Variants in NUMA1 observed in about 807,000 individuals in gnomAD.
The protein encoded by NUMA1 is nuclear mitotic apparatus protein 1.
A neutral mutation model predicts 237.1 loss-of-function variants in NUMA1; 62 were observed. The observed-to-expected ratio is 0.26, with a 90% confidence interval of 0.21 to 0.32. NUMA1 has a LOEUF of 0.32. Ranked by LOEUF, NUMA1 falls within the 10% of genes least tolerant of loss-of-function variation. NUMA1 has a pLI of 1.00. For missense variants in NUMA1, 2,533 were observed against 2,666.5 expected, an observed-to-expected ratio of 0.95 and a Z score of 1.10; for synonymous variants, 1,028 against 1,066.1, an observed-to-expected ratio of 0.96 and a Z score of 0.70.
chr11:72,008,385 A>T, intron 20 of NUMA1: 1 of 437,782 alleles, frequency 2.3e-6, no homozygotes, highest in Non-Finnish European at 4.2e-6. Flanking sequence ...TCCTGGCCTC[A>T]CATCTCAGCT....
intron 4 of NUMA1, among the ~76,000 whole-genome samples, chr11:72,025,916 T>C (rs1347369130): frequency 6.6e-6 from 1 of 152,218 alleles, no homozygotes; most frequent in Non-Finnish European, 1.5e-5. Flanking sequence ...ATCTGGAATG[T>C]TGTGACTCCT....
At position 72,004,743 on chromosome 11, in the gene NUMA1, G is replaced by A; in HGVS notation, c.5903C>T (p.Ala1968Val). 2.5e-6 allele frequency: 4 copies of A among 1,611,968 alleles called. No individual in the cohort carries two copies. Among genetic ancestry groups the A allele is most frequent in the Non-Finnish European group, 3.4e-6 (4 of 1,179,206 alleles). The change falls in exon 24 of 27, where the codon GCC becomes GTC. Residue 1968 changes from alanine to valine, a missense_variant. By Grantham distance (64) the Ala-to-Val change is moderately conservative. Coordinates refer to ENST00000393695, the MANE Select transcript of NUMA1 (RefSeq NM_006185.4). ...TGDPQETLRR[A>V]SMQPIQIAEG... ...GGCTATCTGGATTGGCTGCATGCTG[G>A]CTCGGCGCAGGGTCTCTTGGGGGTC...
intron 22 of NUMA1, chr11:72,005,574 G>C (rs1417049638): frequency 1.8e-6 from 1 of 562,516 alleles, no homozygotes; most frequent in East Asian, 3.1e-5. Context: ...TCCCTGGAGA[G>C]GGCAGAAGAG....
intron 1 of NUMA1, among the ~76,000 whole-genome samples, chr11:72,078,787 G>A (rs1399790691): frequency 1.3e-5 from 2 of 152,154 alleles, no homozygotes; most frequent in Non-Finnish European, 2.9e-5. Flanking sequence ...AGGGACTGAG[G>A]AAACATAAAC....
rs77729755 is a variant in NUMA1 at position 72,010,946 on chromosome 11, G to C, written c.4651-92C>G. 6,690 of 1,113,346 alleles carry C rather than the reference G, an allele frequency of 6.0e-3. 220 individuals carry two copies. In the African/African-American group the frequency reaches 0.076, roughly 13 times the overall value. 69.0% of individuals were successfully genotyped at this position (1,113,346 alleles called of 1,614,324 possible). A position where few individuals can be genotyped will look rare whatever the true frequency, so the allele number is the denominator to read the frequency against. ...ACCCATCATGGGGTTTCCCAGACCA[G>C]GATCCCCAGTGTTCCTAGAATAAAC... On this transcript the variant is annotated intron_variant, in intron 16 of 26. Coordinates refer to ENST00000393695, the MANE Select transcript of NUMA1 (RefSeq NM_006185.4).
intron 20 of NUMA1, chr11:72,007,909 G>A (rs897810021): frequency 2.3e-5 from 8 of 354,648 alleles, no homozygotes; most frequent in Admixed American, 1.6e-4. Flanking sequence ...TCCCTGGTCT[G>A]CTTCATCTCC....
chr11:72,066,868 G>A (rs1199636708), intron 2 of NUMA1: 1 of 152,214 alleles, frequency 6.6e-6, no homozygotes, highest in Admixed American at 6.5e-5. Flanking sequence ...TATGCTGCCT[G>A]AGTAAATGAC....
chr11:72,022,646 G>A (rs1419328099), intron 6 of NUMA1, among the ~76,000 whole-genome samples: 2 of 149,672 alleles, frequency 1.3e-5, no homozygotes, highest in Non-Finnish European at 3.0e-5. Flanking sequence ...CAAGATTCCT[G>A]CATGGCTCAA....
chr11:72,014,593 C>A lies in NUMA1; in HGVS notation c.2910G>T (p.Met970Ile). The part of the protein sequence containing the change: ...FCSTQAALQA[M>I]EREAEQMGNE... ...TGCCCATCTGCTCTGCCTCCCGCTC[C>A]ATAGCCTGCAGCGCTGCCTGTGTGC... The change falls in exon 15 of 27, where the codon ATG becomes ATT. Residue 970 changes from methionine to isoleucine, a missense_variant. Met to Ile is a conservative substitution (Grantham distance 10). Transcript: ENST00000393695. The surrounding 1 kb of genome is among the most constrained non-coding windows in gnomAD (Gnocchi z 4.6). 1 of 1,606,188 alleles carries A rather than the reference C, an allele frequency of 6.2e-7. No individual in the cohort carries two copies. The highest frequency in any genetic ancestry group is 8.5e-7 in the Non-Finnish European group (1 of 1,179,998).
In NUMA1 at chr11:72,023,121, C is replaced by T. The variant is rs1939116591; in HGVS notation, c.235G>A (p.Glu79Lys). 8 of 1,613,814 alleles carry T rather than the reference C, an allele frequency of 5.0e-6. No homozygotes were observed. Among genetic ancestry groups the T allele is most frequent in the Non-Finnish European group, 5.9e-6 (7 of 1,179,940 alleles). The stretch of plus-strand genomic sequence containing the variant: ...ACCTTCTGTGCAGATACCAGGCATT[C>T]TGGGGAAGAGGGATGTTTTCGATTT... ...QKNRKHPSSP[E>K]CLVSAQKVLE... Residue 79 changes from glutamate (E) to lysine (K), a missense_variant, in exon 6 of 27, where the codon GAA (glutamate) becomes AAA (lysine). Transcript: ENST00000393695.
At chr11:72,076,327 T>C (rs1445283037) in intron 1 of NUMA1, among the ~76,000 whole-genome samples, 2 of 151,854 alleles carry the variant, frequency 1.3e-5, no homozygotes, top group Non-Finnish European at 2.9e-5. Flanking sequence ...TGAGCCAAGA[T>C]CCTGCAACTG....
intron 3 of NUMA1, among the ~76,000 whole-genome samples, chr11:72,033,322 A>T (rs1471966783): frequency 6.6e-6 from 1 of 151,054 alleles, no homozygotes; most frequent in East Asian, 1.9e-4. Context: ...TACTGATCCC[A>T]GCACATATAA....
intron 4 of NUMA1, among the ~76,000 whole-genome samples, chr11:72,025,204 T>G (rs1939408807): frequency 6.6e-6 from 1 of 152,182 alleles, no homozygotes; most frequent in Non-Finnish European, 1.5e-5. Flanking sequence ...CTAGTATTCT[T>G]GATTAGTGGT....
intron 24 of NUMA1, 101 bp from the exon 25 acceptor site, chr11:72,004,442 G>T: frequency 8.0e-7 from 1 of 1,247,386 alleles, no homozygotes; most frequent in Non-Finnish European, 1.2e-6. Flanking sequence ...GTAAGTCAAC[G>T]TGCAACCTGC....
At chr11:72,076,201 C>T (rs1943699269) in intron 1 of NUMA1, among the ~76,000 whole-genome samples, 1 of 151,048 alleles carries the variant, frequency 6.6e-6, no homozygotes, top group Non-Finnish European at 1.5e-5. Context: ...TGGCAAAACC[C>T]TGTCTCTACA....
intron 19 of NUMA1, 52 bp downstream of exon 19, chr11:72,008,915 A>AC (rs1448757115): frequency 2.0e-5 from 33 of 1,612,442 alleles, no homozygotes; most frequent in African/African-American, 2.7e-5. Flanking sequence ...AGGAGAGGGC[A>AC]CAGGGGTCCA....
At chr11:72,042,979 G>A (rs1941779338) in intron 2 of NUMA1, among the ~76,000 whole-genome samples, 2 of 151,968 alleles carry the variant, frequency 1.3e-5, no homozygotes, top group Non-Finnish European at 2.9e-5. Flanking sequence ...AAAATTAGCC[G>A]GGTGTGGTGG....
At chr11:72,078,893 G>C (rs1402617928) in intron 1 of NUMA1, among the ~76,000 whole-genome samples, 1 of 152,148 alleles carries the variant, frequency 6.6e-6, no homozygotes, top group Non-Finnish European at 1.5e-5. Flanking sequence ...AAAGCAGAGA[G>C]GCCCAACTCC....
In NUMA1 at chr11:72,004,835, T is replaced by TG; in HGVS notation, c.5830-20dup. 1 of 1,550,712 alleles carries TG rather than the reference T, an allele frequency of 6.4e-7. No individual in the cohort carries two copies. Among genetic ancestry groups the TG allele is most frequent in the Non-Finnish European group, 8.7e-7 (1 of 1,150,388 alleles). On this transcript the variant is annotated intron_variant, in intron 23 of 26. Transcript: ENST00000393695. ...GGGAAGGCTGCATGGGTGGAAGAGGTGGTCAGTGGACCATAGCTGTATGGA... is the reference window on the plus strand; with the variant it reads ...GGGAAGGCTGCATGGGTGGAAGAGGTGGGTCAGTGGACCATAGCTGTATGGA...
Sources: gnomAD v4.1 joint callset for allele counts (sites outside exome capture counted in the v4.1 genomes callset) on GRCh38, gnomAD v4.1.1 for gene constraint, Gnocchi (gnomAD v3.1) non-coding constraint, MANE v1.5 for transcripts, NCBI Gene and HGNC (gene_info 2026-07-23, HGNC 2026-07-21) for gene names.